The following CHIC2 variants were observed in gnomAD, a reference collection of about 807,000 sequenced individuals.
The protein encoded by CHIC2 is cysteine rich hydrophobic domain 2.
CHIC2 carries 14 observed loss-of-function variants against 25.9 expected under a neutral mutation model. That is an observed-to-expected ratio of 0.54 (90% CI 0.36 to 0.85). The LOEUF (loss-of-function observed/expected upper bound fraction) is 0.85, where lower values mean the gene tolerates loss of function less well. Ranked by LOEUF, CHIC2 falls within the 40% of genes least tolerant of loss-of-function variation. The pLI is 0.01. For missense variants in CHIC2, 146 were observed against 202.0 expected (o/e 0.72, Z 1.68); for synonymous variants, 70 against 72.0 (o/e 0.97, Z 0.14).
chr4:54,045,046 C>G lies in CHIC2; in HGVS notation c.330+3909G>C, dbSNP rs1216855180. Among the ~76,000 whole-genome samples the G allele has an allele frequency of 2.0e-5, 3 of 152,218 alleles. No individual in the cohort carries two copies. In the East Asian group the frequency reaches 5.8e-4, roughly 29 times the overall value. ...CTCTACGCAAATAAACTACAAAATC[C>G]AGAAGAAATGGATAAATTCCTCGAC... On this transcript the variant is annotated intron_variant, in intron 3 of 5. Transcript: ENST00000263921.
At chr4:54,030,537 A>ATAT (rs1479976034) in intron 3 of CHIC2, among the ~76,000 whole-genome samples, 14 of 139,854 alleles carry the variant, frequency 1.0e-4, no homozygotes, top group African/African-American at 3.4e-4. Flanking sequence ...AAAAAAAAAA[A>ATAT]ATATATATAT....
chr4:54,036,505 A>G (rs1344913404), intron 3 of CHIC2, among the ~76,000 whole-genome samples: 1 of 152,156 alleles, frequency 6.6e-6, no homozygotes, highest in African/African-American at 2.4e-5. Flanking sequence ...ACACTTTTAA[A>G]AAACCGGATC....
intron 3 of CHIC2, among the ~76,000 whole-genome samples, chr4:54,029,423 T>C (rs542438753): frequency 9.2e-5 from 14 of 152,322 alleles, no homozygotes; most frequent in African/African-American, 3.4e-4. Flanking sequence ...ATTGACCACA[T>C]GAATATTTGT....
upstream of CHIC2, among the ~76,000 whole-genome samples, chr4:54,067,430 A>T (rs1441517467): frequency 6.6e-6 from 1 of 151,962 alleles, no homozygotes; most frequent in Non-Finnish European, 1.5e-5. Context: ...CATTTTCCTG[A>T]TGAGAGTTGA....
At chr4:54,058,860 T>C (rs1185690283) in intron 1 of CHIC2, among the ~76,000 whole-genome samples, 1 of 152,148 alleles carries the variant, frequency 6.6e-6, no homozygotes, top group Non-Finnish European at 1.5e-5. Context: ...TTTAGAATAG[T>C]ATTTGATTAG....
At chr4:54,043,927 CA>C (rs1405898068) in intron 3 of CHIC2, among the ~76,000 whole-genome samples, 1 of 152,130 alleles carries the variant, frequency 6.6e-6, no homozygotes, top group Non-Finnish European at 1.5e-5. Context: ...TGCAGAGACA[CA>C]TATAGGCTCA....
At chr4:54,073,087 A>G in the CHIC2 span, among the ~76,000 whole-genome samples, 1 of 152,074 alleles carries the variant, frequency 6.6e-6, no homozygotes. Context: ...AAAGATGTTC[A>G]CATCCCAAAT....
At chr4:54,030,966 G>A (rs1716211807) in intron 3 of CHIC2, among the ~76,000 whole-genome samples, 1 of 150,124 alleles carries the variant, frequency 6.7e-6, no homozygotes, top group Non-Finnish European at 1.5e-5. Flanking sequence ...CTTTGCCTCC[G>A]CCTCCCAGGT....
chr4:54,046,773 G>T (rs11944721), intron 3 of CHIC2, among the ~76,000 whole-genome samples: 1 of 151,924 alleles, frequency 6.6e-6, no homozygotes, highest in Non-Finnish European at 1.5e-5. Context: ...CAAAAGCAAT[G>T]GCAACAAAAG....
At chr4:54,083,014 C>CTTTCT in the CHIC2 span, among the ~76,000 whole-genome samples, 4 of 97,926 alleles carry the variant, frequency 4.1e-5, no homozygotes, top group East Asian at 2.5e-4. Context: ...TTTTTTCTTT[C>CTTTCT]TTTCTTTTTT....
At chr4:54,016,608 A>T (rs943993835) in intron 3 of CHIC2, among the ~76,000 whole-genome samples, 9 of 152,278 alleles carry the variant, frequency 5.9e-5, no homozygotes, top group Non-Finnish European at 1.2e-4. Flanking sequence ...TCACAGTCTG[A>T]AGTAAAAGCT....
rs1715544252 is a variant in CHIC2, at chr4:54,010,240, T to C, written c.448-95A>G. The C allele has an allele frequency of 4.7e-6, 4 of 849,934 alleles. No homozygotes were observed. In the African/African-American group the frequency reaches 7.0e-5, roughly 15 times the overall value. 52.6% of individuals were successfully genotyped at this position (849,934 alleles called of 1,614,324 possible). A position where few individuals can be genotyped will look rare whatever the true frequency, so the allele number is the denominator to read the frequency against. ...CTTTCACAATTTTTTTGAAAATCCA[T>C]TCACATTTTAAAACGCAACTTTGCA... On this transcript the variant is annotated intron_variant, in intron 5 of 5. Transcript: ENST00000263921.
chr4:54,019,487 A>G (rs1205919579), intron 3 of CHIC2, among the ~76,000 whole-genome samples: 1 of 152,154 alleles, frequency 6.6e-6, no homozygotes. Flanking sequence ...GCAGTGTCTT[A>G]ATAGGTGCTA....
chr4:54,080,065 T>C, the CHIC2 span, among the ~76,000 whole-genome samples: 2 of 151,270 alleles, frequency 1.3e-5, no homozygotes, highest in Non-Finnish European at 2.9e-5. Context: ...TTGCATGTTA[T>C]GATATCAACT....
the CHIC2 span, among the ~76,000 whole-genome samples, chr4:54,089,605 G>T: frequency 6.6e-6 from 1 of 152,086 alleles, no homozygotes. Flanking sequence ...TGCTCACAAG[G>T]TTAAATTACA....
At chr4:54,037,518 TGA>T (rs1716428662) in intron 3 of CHIC2, among the ~76,000 whole-genome samples, 1 of 152,196 alleles carries the variant, frequency 6.6e-6, no homozygotes, top group Non-Finnish European at 1.5e-5. Flanking sequence ...TTCACTATCT[TGA>T]TGCACACAAG....
At chr4:54,023,874 A>G (rs1217694016) in intron 3 of CHIC2, among the ~76,000 whole-genome samples, 1 of 152,182 alleles carries the variant, frequency 6.6e-6, no homozygotes, top group Non-Finnish European at 1.5e-5. Context: ...AGGTTTCCTC[A>G]CCGTGCAAGG....
At chr4:54,071,494 T>A in the CHIC2 span, among the ~76,000 whole-genome samples, 3 of 152,244 alleles carry the variant, frequency 2.0e-5, no homozygotes, top group Non-Finnish European at 2.9e-5. Context: ...GTTAGGTAAC[T>A]TGGCCAAGGC....
chr4:54,037,243 G>A (rs895462688), intron 3 of CHIC2, among the ~76,000 whole-genome samples: 1 of 152,042 alleles, frequency 6.6e-6, no homozygotes, highest in Non-Finnish European at 1.5e-5. Context: ...AAGCTACTTG[G>A]GAGGCCGAGG....
Sources: gnomAD v4.1 joint callset for allele counts (sites outside exome capture counted in the v4.1 genomes callset) on GRCh38, gnomAD v4.1.1 for gene constraint, MANE v1.5 for transcripts, NCBI Gene and HGNC (gene_info 2026-07-23, HGNC 2026-07-21) for gene names.